Variants in NELFB observed in about 807,000 individuals in gnomAD.
NELFB encodes the protein negative elongation factor complex member B, also known as negative elongation factor B.
NELFB carries 34 observed loss-of-function variants against 60.2 expected under a neutral mutation model. The observed-to-expected ratio is 0.56, with a 90% confidence interval of 0.43 to 0.75. NELFB has a LOEUF of 0.75. Among genes scored for constraint, NELFB ranks in the 30% least tolerant of loss-of-function variants. The pLI is 0.00. For synonymous variants in NELFB, 459 were observed against 382.1 expected (o/e 1.20, Z -2.35); for missense variants, 770 against 831.6 (o/e 0.93, Z 0.91).
In NELFB at chr9:137,256,635, T is replaced by C. The variant is rs368701264; in HGVS notation, c.511-189T>C. On this transcript the variant is annotated intron_variant, in intron 3 of 12. Transcript: ENST00000343053. ...CACTGGAGTTAGGGTGTGGGGCCCCTCCTGGGAAAGAGCTGTTGGTATTTA... is the reference window on the plus strand; with the variant it reads ...CACTGGAGTTAGGGTGTGGGGCCCCCCCTGGGAAAGAGCTGTTGGTATTTA... 1.2e-3 allele frequency among the ~76,000 whole-genome samples: 184 copies of C among 152,266 alleles called. 1 individual carries two copies. Among genetic ancestry groups the C allele is most frequent in the Middle Eastern group, 6.8e-3 (2 of 294 alleles).
intron 1 of NELFB, 27 bp downstream of exon 1, chr9:137,255,638 GC>G: frequency 6.5e-7 from 1 of 1,535,380 alleles, no homozygotes; most frequent in Non-Finnish European, 8.8e-7. Context: ...GGCGGGGGGA[GC>G]CCAGTTGGAG....
Position 137,264,787 on chromosome 9 carries a change from C to G in NELFB, c.1040+430C>G, listed in dbSNP as rs143525622. Among the ~76,000 whole-genome samples the G allele has an allele frequency of 1.8e-4, 28 of 152,098 alleles. No homozygotes were observed. In the East Asian group the frequency reaches 4.9e-3, roughly 27 times the overall value. On this transcript the variant is annotated intron_variant, in intron 6 of 12. Coordinates refer to ENST00000343053, the MANE Select transcript of NELFB (RefSeq NM_015456.5). ...TGGCCTCCTGGATGTTTCAATAGAG[C>G]TATGCCGGGCACTGCTGGCCCACAG... is the stretch of plus-strand genomic sequence containing the variant.
rs983130543 is a variant in NELFB at position 137,255,701 on chromosome 9, C to T, written c.246+90C>T. The T allele has an allele frequency of 2.1e-6, 3 of 1,454,372 alleles. No homozygotes were observed. The African/African-American group carries it at 4.3e-5, about 21-fold the overall frequency. The allele number at this position is 1,454,372 out of a possible 1,614,324, so 90.1% of individuals were successfully genotyped here. A position where few individuals can be genotyped will look rare whatever the true frequency, so the allele number is the denominator to read the frequency against. On this transcript the variant is annotated intron_variant, in intron 1 of 12. Transcript: ENST00000343053. ...GCCTGGCGGAGGCGCCGGAAGTTTT[C>T]CGGCTTTCTGCTGGTGGCTGAGTCC...
chr9:137,273,533 T>A lies in NELFB; in HGVS notation c.*605T>A, dbSNP rs28740782. On this transcript the variant is annotated 3_prime_UTR_variant, in exon 13 of 13. Coordinates refer to ENST00000343053, the MANE Select transcript of NELFB (RefSeq NM_015456.5). ...TTTTCTCGTATGTAAATAAAAGGCA[T>A]TTTGGTAAACGTGGAGGCTGAGATG... 0.68 allele frequency: 103,450 copies of A among 152,226 alleles called. 35,962 individuals are homozygous for A. Among genetic ancestry groups the A allele is most frequent in the Admixed American group, 0.77 (11,799 of 15,288 alleles). 9.4% of individuals were successfully genotyped at this position (152,226 alleles called of 1,614,324 possible). A position where few individuals can be genotyped will look rare whatever the true frequency, so the allele number is the denominator to read the frequency against.
chr9:137,255,780 C>A, intron 1 of NELFB, 127 bp from the exon 2 acceptor site: 2 of 1,517,180 alleles, frequency 1.3e-6, no homozygotes, highest in African/African-American at 1.4e-5. Flanking sequence ...GGCTGGGTGG[C>A]TTTCGGTGGC....
At chr9:137,268,167 C>T (rs1321909941) in intron 10 of NELFB, among the ~76,000 whole-genome samples, 1 of 152,236 alleles carries the variant, frequency 6.6e-6, no homozygotes, top group African/African-American at 2.4e-5. Flanking sequence ...GCCTCTTTAG[C>T]CTTGCGGTAC....
At chr9:137,271,502 C>T (rs1360315599) in intron 10 of NELFB, among the ~76,000 whole-genome samples, 5 of 152,248 alleles carry the variant, frequency 3.3e-5, no homozygotes, top group East Asian at 1.9e-4. Context: ...CTGCCAACAC[C>T]GTGGCTTCTG....
intron 10 of NELFB, among the ~76,000 whole-genome samples, chr9:137,270,071 C>T (rs915243286): frequency 5.9e-5 from 9 of 152,138 alleles, no homozygotes; most frequent in Admixed American, 5.9e-4. Context: ...CCGGGGTCCA[C>T]GTGGGGTCTG....
At chr9:137,256,470 C>T in intron 3 of NELFB, 42 bp downstream of exon 3, 1 of 1,560,844 alleles carries the variant, frequency 6.4e-7, no homozygotes, top group East Asian at 2.2e-5. Flanking sequence ...GACCGTCCGC[C>T]CACTCTCATG....
intron 4 of NELFB, among the ~76,000 whole-genome samples, chr9:137,261,727 C>T (rs975550677): frequency 1.2e-4 from 18 of 151,664 alleles, no homozygotes; most frequent in Middle Eastern, 3.4e-3. Flanking sequence ...TTTTTCTCCC[C>T]GTGTGCGGAG....
Position 137,265,937 on chromosome 9 carries a change from C to A in NELFB, c.1101C>A (p.Val367=), listed in dbSNP as rs1285684485. The A allele has an allele frequency of 6.2e-7, 1 of 1,613,016 alleles. No individual in the cohort carries two copies. The highest frequency in any genetic ancestry group is 2.2e-5 in the East Asian group (1 of 44,892). The change falls in exon 7 of 13, where the codon GTC becomes GTA. Residue 367 remains valine, a synonymous_variant. Transcript: ENST00000343053. ...TCAACACGCTGGCACTGAGCACAGT[C>A]AGGCACCTGCAGGAGCTGGTCGGCC...
At chr9:137,262,306 T>C (rs1480456378) in intron 4 of NELFB, among the ~76,000 whole-genome samples, 1 of 152,192 alleles carries the variant, frequency 6.6e-6, no homozygotes, top group East Asian at 1.9e-4. Context: ...CCTTCACATT[T>C]TTCGCTACCG....
Position 137,257,159 on chromosome 9 carries a change from G to A in NELFB, c.741+105G>A, listed in dbSNP as rs1052899092. 5.5e-5 allele frequency: 55 copies of A among 994,490 alleles called. No individual in the cohort carries two copies. In the African/African-American group the frequency reaches 7.0e-4, roughly 13 times the overall value. 61.6% of individuals were successfully genotyped at this position (994,490 alleles called of 1,614,324 possible). On this transcript the variant is annotated intron_variant, in intron 4 of 12. Transcript: ENST00000343053. ...CACTCTGCTGCCCTGTGAATGATCG[G>A]GTGGTTCTGCTTCTTGGCTGGGTGG... is the stretch of plus-strand genomic sequence containing the variant.
chr9:137,255,710 T>G, intron 1 of NELFB, 99 bp downstream of exon 1: 1 of 1,432,134 alleles, frequency 7.0e-7, no homozygotes, highest in East Asian at 2.4e-5. Context: ...TCCGGCTTTC[T>G]GCTGGTGGCT....
rs1176699428 is a variant in NELFB, at chr9:137,266,992, G to A, written c.1288G>A (p.Val430Met). The A allele has an allele frequency of 6.2e-7, 1 of 1,614,022 alleles. No homozygotes were observed. Among genetic ancestry groups the A allele is most frequent in the Non-Finnish European group, 8.5e-7 (1 of 1,180,008 alleles). ...CCTCCCGATGCTCATGTCCTTCCTG[G>A]TGGATGACTACACTTTCAATGTGGA... Residue 430 changes from valine to methionine, a missense_variant, in exon 9 of 13, where the codon GTG becomes ATG. Val to Met is a conservative substitution (Grantham distance 21). Coordinates refer to ENST00000343053, the MANE Select transcript of NELFB (RefSeq NM_015456.5).
chr9:137,272,812 C>T lies in NELFB; in HGVS notation c.1771C>T (p.Gln591Ter). ...AGAGGCAGTGAAGGAGCTTTACTCC[C>T]AGCTCGGCGAGAAGCTGGAACAGCT... Residue 591 changes from glutamine to a stop codon, truncating the protein, a stop_gained, in exon 13 of 13, where the codon CAG (glutamine) becomes TAG (stop). Transcript: ENST00000343053. LOFTEE classifies it high-confidence loss of function. The T allele has an allele frequency of 6.5e-7, 1 of 1,549,934 alleles. No homozygotes were observed. The highest frequency in any genetic ancestry group is 8.7e-7 in the Non-Finnish European group (1 of 1,146,576).
At chr9:137,266,017 C>T (rs776279557) in intron 7 of NELFB, 38 bp downstream of exon 7, 22 of 1,463,676 alleles carry the variant, frequency 1.5e-5, no homozygotes, top group East Asian at 4.6e-5. Context: ...CGGGGCCATG[C>T]GGCCACTCCG....
rs745745289 is a variant in NELFB at position 137,267,239 on chromosome 9, G to T, written c.1383-1G>T. The T allele has an allele frequency of 1.2e-6, 2 of 1,611,474 alleles. No homozygotes were observed. Among genetic ancestry groups the T allele is most frequent in the African/African-American group, 1.3e-5 (1 of 74,890 alleles). On this transcript the variant is annotated splice_acceptor_variant, in intron 9 of 12. Coordinates refer to ENST00000343053, the MANE Select transcript of NELFB (RefSeq NM_015456.5). LOFTEE classifies it high-confidence loss of function. Reference sequence around the variant, plus strand: ...TGGGGCTGATGGCGCCCCGGGCGCAGGTTTCTGCAGGAGCAGCGCATGGCC... The same window carrying T: ...TGGGGCTGATGGCGCCCCGGGCGCATGTTTCTGCAGGAGCAGCGCATGGCC...
At position 137,263,078 on chromosome 9, in the gene NELFB, G is replaced by A; in HGVS notation, c.783G>A (p.Lys261=). 6.2e-7 allele frequency: 1 copy of A among 1,613,918 alleles called. No homozygotes were observed. Among genetic ancestry groups the A allele is most frequent in the Non-Finnish European group, 8.5e-7 (1 of 1,179,860 alleles). ...CGCGGATGGTGGGGAAGAACGTGAA[G>A]CTGTACGACATGGTGCTGCAGTTTC... Residue 261 remains lysine, a synonymous_variant, in exon 5 of 13, where the codon AAG becomes AAA. Transcript: ENST00000343053.
Sources: gnomAD v4.1 joint callset for allele counts (sites outside exome capture counted in the v4.1 genomes callset) on GRCh38, gnomAD v4.1.1 for gene constraint, MANE v1.5 for transcripts, NCBI Gene and HGNC (gene_info 2026-07-23, HGNC 2026-07-21) for gene names.